The following KCNQ5 variants were observed in gnomAD, a reference collection of about 807,000 sequenced individuals.
KCNQ5 encodes the protein potassium voltage-gated channel subfamily KQT member 5.
A neutral mutation model predicts 98.2 loss-of-function variants in KCNQ5; 30 were observed. The ratio of observed to expected loss-of-function variants is 0.31; its 90% CI spans 0.23 to 0.41. The LOEUF is 0.41. KCNQ5 is among the 10% of genes least tolerant of loss of function. KCNQ5 has a pLI of 1.00. For synonymous variants in KCNQ5, 458 were observed against 449.4 expected (o/e 1.02, Z -0.24); for missense variants, 835 against 1,182.5 (o/e 0.71, Z 4.31).
intron 1 of KCNQ5, among the ~76,000 whole-genome samples, chr6:72,953,741 G>A (rs556729937): frequency 1.3e-5 from 2 of 152,254 alleles, no homozygotes; most frequent in Non-Finnish European, 2.9e-5. Flanking sequence ...GACAGAGTCA[G>A]GAGTAGAATG....
intron 2 of KCNQ5, among the ~76,000 whole-genome samples, chr6:73,021,258 T>A (rs1770595638): frequency 6.6e-6 from 1 of 152,182 alleles, no homozygotes; most frequent in Non-Finnish European, 1.5e-5. Flanking sequence ...ATACATACTT[T>A]TATTTCTGTT....
At chr6:73,015,900 C>G (rs1770315883) in intron 2 of KCNQ5, among the ~76,000 whole-genome samples, 1 of 152,122 alleles carries the variant, frequency 6.6e-6, no homozygotes, top group Non-Finnish European at 1.5e-5. Flanking sequence ...TTTCTTTCCT[C>G]TAACTTTCCT....
At chr6:72,680,880 T>C (rs1412062863) in intron 1 of KCNQ5, among the ~76,000 whole-genome samples, 2 of 152,230 alleles carry the variant, frequency 1.3e-5, no homozygotes, top group Non-Finnish European at 2.9e-5. Flanking sequence ...AAAGGAAACA[T>C]AAATTTCAAT....
intron 1 of KCNQ5, among the ~76,000 whole-genome samples, chr6:72,672,707 C>T (rs891931739): frequency 6.6e-5 from 10 of 152,034 alleles, no homozygotes; most frequent in Admixed American, 1.3e-4. Flanking sequence ...AATCAGAAGA[C>T]GTCATGCCCA....
intron 1 of KCNQ5, among the ~76,000 whole-genome samples, chr6:72,737,634 T>C (rs1419375610): frequency 1.3e-5 from 2 of 152,220 alleles, no homozygotes; most frequent in Non-Finnish European, 2.9e-5. Flanking sequence ...AACTACATAT[T>C]GGTTTTTGTT....
chr6:72,699,394 G>T (rs1435741356), intron 1 of KCNQ5, among the ~76,000 whole-genome samples: 2 of 152,170 alleles, frequency 1.3e-5, no homozygotes, highest in Non-Finnish European at 2.9e-5. Flanking sequence ...TTCACAAATT[G>T]CTCCAATGAC....
intron 1 of KCNQ5, among the ~76,000 whole-genome samples, chr6:72,892,269 C>CTTTA (rs1779085112): frequency 6.6e-6 from 1 of 152,216 alleles, no homozygotes; most frequent in Non-Finnish European, 1.5e-5. Context: ...TTATGCACAA[C>CTTTA]TGAAAGTTCC....
intron 6 of KCNQ5, among the ~76,000 whole-genome samples, chr6:73,106,373 A>G (rs1222885405): frequency 2.0e-5 from 3 of 152,184 alleles, no homozygotes; most frequent in African/African-American, 7.2e-5. Flanking sequence ...TTTGTCACAT[A>G]CTAACTATAT....
At chr6:72,630,122 T>C (rs2098920008) in intron 1 of KCNQ5, among the ~76,000 whole-genome samples, 1 of 152,228 alleles carries the variant, frequency 6.6e-6, no homozygotes, top group Non-Finnish European at 1.5e-5. Flanking sequence ...TTTGTGTTAG[T>C]GTAAATATTT....
intron 1 of KCNQ5, among the ~76,000 whole-genome samples, chr6:72,665,246 T>G (rs12191039): frequency 0.19 from 27,850 of 150,438 alleles, 2,623 homozygotes; most frequent in Middle Eastern, 0.28. Context: ...TACTCAGTAG[T>G]CTGAGGCAAG....
At chr6:73,171,138 G>T (rs1778000842) in intron 11 of KCNQ5, among the ~76,000 whole-genome samples, 1 of 152,084 alleles carries the variant, frequency 6.6e-6, no homozygotes, top group Non-Finnish European at 1.5e-5. Flanking sequence ...AAATGTTTGT[G>T]GGGGCAAAGA....
intron 2 of KCNQ5, among the ~76,000 whole-genome samples, chr6:73,016,292 T>C (rs529404419): frequency 1.3e-5 from 2 of 152,120 alleles, no homozygotes; most frequent in African/African-American, 4.8e-5. Flanking sequence ...ACATAAGCTT[T>C]AGACAGGAGC....
chr6:72,889,103 C>G (rs1778960029), intron 1 of KCNQ5, among the ~76,000 whole-genome samples: 1 of 152,100 alleles, frequency 6.6e-6, no homozygotes, highest in Non-Finnish European at 1.5e-5. Context: ...GAAAAGATTA[C>G]AATTTTTAGG....
chr6:72,646,301 TA>T (rs202102812), intron 1 of KCNQ5, among the ~76,000 whole-genome samples: 5,783 of 151,516 alleles, frequency 0.038, 247 homozygotes, highest in African/African-American at 0.1. Flanking sequence ...CTTCATTTGA[TA>T]AAAAAAAGTC....
chr6:72,959,626 C>A (rs145374541), intron 1 of KCNQ5, among the ~76,000 whole-genome samples: 1 of 152,286 alleles, frequency 6.6e-6, no homozygotes, highest in African/African-American at 2.4e-5. Context: ...TGCTGGGCAG[C>A]CCTGAGATTC....
In KCNQ5 at chr6:72,822,259, A is replaced by G. The variant is rs371483978; in HGVS notation, c.399-181649A>G. ...TCAATTTAAATTTTCCTCAGAGGAAATGTTATCATTTCTTGGTCAGCATCT... is the reference window on the plus strand; with the variant it reads ...TCAATTTAAATTTTCCTCAGAGGAAGTGTTATCATTTCTTGGTCAGCATCT... On this transcript the variant is annotated intron_variant, in intron 1 of 13. Coordinates refer to ENST00000370398, the MANE Select transcript of KCNQ5 (RefSeq NM_019842.4). Among the ~76,000 whole-genome samples, 39 of 152,316 alleles carry G rather than the reference A, an allele frequency of 2.6e-4. No individual in the cohort carries two copies. In the South Asian group the frequency reaches 7.9e-3, roughly 31 times the overall value.
chr6:72,639,034 A>G (rs1582024493), intron 1 of KCNQ5, among the ~76,000 whole-genome samples: 1 of 152,336 alleles, frequency 6.6e-6, no homozygotes, highest in African/African-American at 2.4e-5. Flanking sequence ...TGTTTTAGGT[A>G]AAGAACAAGC....
At chr6:73,063,717 TAGATGATAGATA>T (rs1156753137) in intron 3 of KCNQ5, among the ~76,000 whole-genome samples, 29 of 110,572 alleles carry the variant, frequency 2.6e-4, no homozygotes, top group Middle Eastern at 4.0e-3. Flanking sequence ...GATAGATAGA[TAGATGATAGATA>T]GATAGATAGA....
intron 1 of KCNQ5, among the ~76,000 whole-genome samples, chr6:72,827,325 A>C (rs1366938549): frequency 6.6e-6 from 1 of 152,082 alleles, no homozygotes; most frequent in African/African-American, 2.4e-5. Context: ...TGGCTGTACT[A>C]GTTTATGTTC....
Sources: allele counts gnomAD v4.1 joint callset (sites outside exome capture counted in the v4.1 genomes callset), GRCh38; gene constraint gnomAD v4.1.1; transcripts MANE v1.5; gene names NCBI Gene and HGNC (gene_info 2026-07-23, HGNC 2026-07-21).